Variants in PACS2 observed in about 807,000 individuals in gnomAD.
The protein encoded by PACS2 is phosphofurin acidic cluster sorting protein 2.
Under a neutral mutation model 113.0 loss-of-function variants are expected in PACS2, and 36 were observed. The ratio of observed to expected loss-of-function variants is 0.32; its 90% CI spans 0.24 to 0.42. The LOEUF (loss-of-function observed/expected upper bound fraction) is 0.42, where lower values mean the gene tolerates loss of function less well. Ranked by LOEUF, PACS2 falls within the 10% of genes least tolerant of loss-of-function variation. The probability of loss-of-function intolerance (pLI) is 1.00; values close to 1 mark genes in which losing one functional copy is unlikely to be tolerated. For synonymous variants in PACS2, 589 were observed against 536.1 expected (o/e 1.10, Z -1.36); for missense variants, 1,015 against 1,239.5 (o/e 0.82, Z 2.72).
chr14:105,383,533 C>T lies in PACS2; in HGVS notation c.1780+20C>T. ...CACTGGGTGAGCACCACGCCGTCCA[C>T]CTGGGCCTGGGCACAGATGCCACGG... On this transcript the variant is annotated intron_variant, in intron 16 of 24. Coordinates refer to ENST00000447393, the MANE Select transcript of PACS2 (RefSeq NM_001100913.3). The T allele has an allele frequency of 6.4e-7, 1 of 1,561,020 alleles. No homozygotes were observed.
At chr14:105,351,580 C>G (rs587606349) in intron 2 of PACS2, among the ~76,000 whole-genome samples, 3 of 152,310 alleles carry the variant, frequency 2.0e-5, no homozygotes, top group African/African-American at 7.2e-5. Context: ...TGGCTCATGC[C>G]TAATCCCAGC....
At chr14:105,341,229 G>C (rs1555401517) in intron 1 of PACS2, among the ~76,000 whole-genome samples, 1 of 152,204 alleles carries the variant, frequency 6.6e-6, no homozygotes, top group South Asian at 2.1e-4. Flanking sequence ...AACTTTTCCT[G>C]TATGCCTCTC....
Position 105,348,433 on chromosome 14 carries a change from C to T in PACS2, c.120-60C>T. 7.4e-7 allele frequency: 1 copy of T among 1,346,970 alleles called. No homozygotes were observed. The highest frequency in any genetic ancestry group is 1.1e-6 in the Non-Finnish European group (1 of 947,120). The allele number at this position is 1,346,970 out of a possible 1,614,324, so 83.4% of individuals were successfully genotyped here. A position where few individuals can be genotyped will look rare whatever the true frequency, so the allele number is the denominator to read the frequency against. On this transcript the variant is annotated intron_variant, in intron 1 of 24. Transcript: ENST00000447393. The surrounding 1 kb of genome is among the most constrained non-coding windows in gnomAD (Gnocchi z 6.4). ...GGGGTGACACAGTGCTGGGACGGCACAGGGCCGCGTCCTGAGGAGAGGGCG... is the reference window on the plus strand; with the variant it reads ...GGGGTGACACAGTGCTGGGACGGCATAGGGCCGCGTCCTGAGGAGAGGGCG...
intron 20 of PACS2, chr14:105,390,271 G>C (rs2081312375): frequency 5.8e-6 from 3 of 512,832 alleles, no homozygotes; most frequent in Admixed American, 3.1e-5. Context: ...CGAGGCCTCA[G>C]AACACCCAGG....
rs1188674752 is a variant in PACS2, at chr14:105,365,043, G to A, written c.424-2170G>A. On this transcript the variant is annotated intron_variant, in intron 4 of 24. Coordinates refer to ENST00000447393, the MANE Select transcript of PACS2 (RefSeq NM_001100913.3). This position sits in a 1 kb window ranked among gnomAD's most constrained non-coding sequence, Gnocchi z 5.1. ...AATCTATTTGAAAATGGAAGAGGGA[G>A]GAGCCTGTCAGGGTCAGGGGTGGAG... Among the ~76,000 whole-genome samples, 1 of 152,250 alleles carries A rather than the reference G, an allele frequency of 6.6e-6. No homozygotes were observed. The highest frequency in any genetic ancestry group is 1.5e-5 in the Non-Finnish European group (1 of 68,036).
At position 105,314,982 on chromosome 14, in the gene PACS2, A is replaced by G. The variant is rs1198285597; in HGVS notation, c.64A>G (p.Met22Val). 2 of 1,245,552 alleles carry G rather than the reference A, an allele frequency of 1.6e-6. No individual in the cohort carries two copies. The highest frequency in any genetic ancestry group is 2.1e-6 in the Non-Finnish European group (2 of 973,326). 77.2% of individuals were successfully genotyped at this position (1,245,552 alleles called of 1,614,324 possible). A position where few individuals can be genotyped will look rare whatever the true frequency, so the allele number is the denominator to read the frequency against. The part of the protein sequence containing the change: ...APGALNTPVP[M>V]NLFATWEVDG... ...CGGCGCGCTCAACACGCCCGTGCCCATGAACCTGTTCGCCACCTGGGAGGT... is the reference window on the plus strand; with the variant it reads ...CGGCGCGCTCAACACGCCCGTGCCCGTGAACCTGTTCGCCACCTGGGAGGT... Residue 22 changes from methionine (M) to valine (V), a missense_variant, in exon 1 of 25, where the codon ATG becomes GTG. Met to Val is a conservative substitution (Grantham distance 21). This residue lies in a region of PACS2 where 140 missense variants were observed against 135.1 expected (regional missense o/e 1.04). Transcript: ENST00000447393.
rs1595619476 is a variant in PACS2, at chr14:105,340,103, C to T, written c.120-8390C>T. On this transcript the variant is annotated intron_variant, in intron 1 of 24. Transcript: ENST00000447393. The surrounding 1 kb of genome is among the most constrained non-coding windows in gnomAD (Gnocchi z 4.2). ...TAAGGAGTATTTTCCTTAGCAGATA[C>T]AAATTTATTTAAATTAGCTATGCTA... Among the ~76,000 whole-genome samples the T allele has an allele frequency of 6.6e-6, 1 of 152,142 alleles. No homozygotes were observed. Among genetic ancestry groups the T allele is most frequent in the Non-Finnish European group, 1.5e-5 (1 of 68,044 alleles).
rs782499636 is a variant in PACS2, at chr14:105,383,244, G to A, written c.1626-115G>A. ...GCTTGGGCAGCTCCAGGGCAGTTGT[G>A]GCATGAGCGGCCACAGGCACGGAGC... On this transcript the variant is annotated intron_variant, in intron 15 of 24. Transcript: ENST00000447393. 79 of 1,219,120 alleles carry A rather than the reference G, an allele frequency of 6.5e-5. 1 individual carries two copies. Among genetic ancestry groups the A allele is most frequent in the East Asian group, 3.5e-4 (15 of 43,084 alleles). 75.5% of individuals were successfully genotyped at this position (1,219,120 alleles called of 1,614,324 possible). A position where few individuals can be genotyped will look rare whatever the true frequency, so the allele number is the denominator to read the frequency against.
chr14:105,313,216 T>C (rs1306140569), upstream of PACS2, among the ~76,000 whole-genome samples: 1 of 152,180 alleles, frequency 6.6e-6, no homozygotes, highest in Non-Finnish European at 1.5e-5. Flanking sequence ...AACTGCACGC[T>C]CGCCAGGTCC....
At chr14:105,377,093 C>G (rs2080811155) in intron 9 of PACS2, among the ~76,000 whole-genome samples, 168 bp downstream of exon 9, 1 of 152,228 alleles carries the variant, frequency 6.6e-6, no homozygotes, top group Non-Finnish European at 1.5e-5. Flanking sequence ...GTGCGGCTGC[C>G]TGGCAGGCCC....
In PACS2 at chr14:105,382,563, C is replaced by G; in HGVS notation, c.1500C>G (p.Thr500=). Residue 500 remains threonine, a synonymous_variant, in exon 14 of 25, where the codon ACC becomes ACG. Transcript: ENST00000447393. ...CCGAAAACATCATCCTTGTCAACAC[C>G]TCGGACTGGCAGGGGCAGGTAGAGG... ...QLPENIILVN[T]SDWQGQFLSD... 1 of 1,608,158 alleles carries G rather than the reference C, an allele frequency of 6.2e-7. No homozygotes were observed. Among genetic ancestry groups the G allele is most frequent in the South Asian group, 1.1e-5 (1 of 90,984 alleles).
intron 7 of PACS2, among the ~76,000 whole-genome samples, 198 bp downstream of exon 7, chr14:105,368,737 C>T (rs968632513): frequency 2.6e-5 from 4 of 152,210 alleles, no homozygotes; most frequent in African/African-American, 7.2e-5. Flanking sequence ...CATCTCCTGG[C>T]TTTAGCCTTG....
Position 105,348,531 on chromosome 14 carries a change from A to G in PACS2, c.158A>G (p.Lys53Arg). 6.2e-7 allele frequency: 1 copy of G among 1,612,536 alleles called. No homozygotes were observed. The highest frequency in any genetic ancestry group is 8.5e-7 in the Non-Finnish European group (1 of 1,179,784). ...ACTCTGAAGAAGCTGGTGGTCTTCA[A>G]GGAGCTGGAGAAGGAGCTGATCTCC... ...SLTLKKLVVF[K>R]ELEKELISVV... Residue 53 changes from lysine to arginine, a missense_variant, in exon 2 of 25, where the codon AAG becomes AGG. By Grantham distance (26) the Lys-to-Arg change is conservative (BLOSUM62 2). Around this residue, in one of 3 missense-constraint regions of PACS2, gnomAD observed 140 missense variants for 135.1 expected, o/e 1.04. Transcript: ENST00000447393. The surrounding 1 kb of genome is among the most constrained non-coding windows in gnomAD (Gnocchi z 6.4).
rs1212885122 is a variant in PACS2 at position 105,374,544 on chromosome 14, G to C, written c.802-2224G>C. The C allele has an allele frequency of 2.6e-5, 4 of 152,202 alleles. No individual in the cohort carries two copies. The South Asian group carries it at 8.3e-4, about 31-fold the overall frequency. The allele number at this position is 152,202 out of a possible 1,614,324, so 9.4% of individuals were successfully genotyped here. The stretch of plus-strand genomic sequence containing the variant: ...CAGCCTCAGGTGCCACGGAGCTGGG[G>C]CCCGCCCACTCCTGCCCTGACTCGC... On this transcript the variant is annotated intron_variant, in intron 8 of 24. Transcript: ENST00000447393.
rs140819031 is a variant in PACS2, at chr14:105,328,579, A to G, written c.119+13542A>G. 4.5e-3 allele frequency among the ~76,000 whole-genome samples: 681 copies of G among 152,322 alleles called. 9 individuals carry two copies. Among genetic ancestry groups the G allele is most frequent in the African/African-American group, 0.015 (624 of 41,568 alleles). ...CATCCTTGAAGCTGGAATATTCCAC[A>G]AGTGCCACGCACTTGCTGGAGGTAC... On this transcript the variant is annotated intron_variant, in intron 1 of 24. Transcript: ENST00000447393.
chr14:105,309,022 C>T lies in PACS2; in HGVS notation c.-83+8043C>T, dbSNP rs1408894004. Among the ~76,000 whole-genome samples, 2 of 151,978 alleles carry T rather than the reference C, an allele frequency of 1.3e-5. No individual in the cohort carries two copies. The highest frequency in any genetic ancestry group is 4.8e-5 in the African/African-American group (2 of 41,388). The stretch of plus-strand genomic sequence containing the variant: ...AAAGACAAACAAAACCTAACAAAAC[C>T]AGAAATCCATCCTGCACGAAGAGCA... On this transcript the variant is annotated intron_variant, in intron 1 of 23. Transcript: ENST00000430725. This position sits in a 1 kb window ranked among gnomAD's most constrained non-coding sequence, Gnocchi z 4.0.
At chr14:105,391,370 C>A in intron 21 of PACS2, 121 bp downstream of exon 21, 1 of 782,384 alleles carries the variant, frequency 1.3e-6, no homozygotes, top group South Asian at 1.5e-5. Context: ...ACGTCCCAGT[C>A]TTGCTGTGGT....
rs2060673218 is a variant in PACS2 at position 105,361,410 on chromosome 14, G to T, written c.424-5803G>T. Among the ~76,000 whole-genome samples the T allele has an allele frequency of 2.6e-5, 4 of 152,366 alleles. No homozygotes were observed. In the South Asian group the frequency reaches 8.3e-4, roughly 32 times the overall value. ...CCAGCACTTTGGCAGGCCAGGGCGGGTGGATTACCTGAGGTCAGGAGTTTG... is the reference window on the plus strand; with the variant it reads ...CCAGCACTTTGGCAGGCCAGGGCGGTTGGATTACCTGAGGTCAGGAGTTTG... On this transcript the variant is annotated intron_variant, in intron 4 of 24. Transcript: ENST00000447393.
At chr14:105,345,159 G>C (rs587613754) in intron 1 of PACS2, among the ~76,000 whole-genome samples, 14 of 151,954 alleles carry the variant, frequency 9.2e-5, no homozygotes, top group Admixed American at 7.9e-4. Flanking sequence ...TGTAATCCCA[G>C]CACTTTGGGA....
Sources: gnomAD v4.1 joint callset for allele counts (sites outside exome capture counted in the v4.1 genomes callset) on GRCh38, gnomAD v4.1.1 for gene constraint, gnomAD v4.1.1 regional missense constraint, Gnocchi (gnomAD v3.1) non-coding constraint, MANE v1.5 for transcripts, NCBI Gene and HGNC (gene_info 2026-07-23, HGNC 2026-07-21) for gene names.